JCAD: variants seen among roughly 807,000 people sequenced by gnomAD.
JCAD encodes junctional cadherin 5 associated, also known as junctional cadherin 5-associated protein.
Under a neutral mutation model 98.0 loss-of-function variants are expected in JCAD, and 40 were observed. The observed-to-expected ratio is 0.41, with a 90% CI of 0.32 to 0.53. The LOEUF (loss-of-function observed/expected upper bound fraction) is 0.53, where lower values mean the gene tolerates loss of function less well. Among genes scored for constraint, JCAD ranks in the 20% least tolerant of loss-of-function variants. The probability of loss-of-function intolerance (pLI) is 0.31; values close to 1 mark genes in which losing one functional copy is unlikely to be tolerated. For synonymous variants in JCAD, 691 were observed against 682.3 expected (o/e 1.01, Z -0.20); for missense variants, 1,705 against 1,738.1 (o/e 0.98, Z 0.34).
intron 2 of JCAD, among the ~76,000 whole-genome samples, chr10:30,068,323 G>A (rs1339060143): frequency 2.0e-5 from 3 of 149,278 alleles, no homozygotes; most frequent in Non-Finnish European, 4.4e-5. Flanking sequence ...CCCAGGAAGT[G>A]GAGGTTGCAG....
Position 30,036,426 on chromosome 10 carries a change from G to A in JCAD, c.282-6560C>T, listed in dbSNP as rs563908189. Reference sequence around the variant, plus strand: ...ATTGCACCACTGCACTCCAGCCTGGGCAGTACAGAGCAGGACTCCGTCTCA... The same window carrying A: ...ATTGCACCACTGCACTCCAGCCTGGACAGTACAGAGCAGGACTCCGTCTCA... On this transcript the variant is annotated intron_variant, in intron 2 of 3. Coordinates refer to ENST00000375377, the MANE Select transcript of JCAD (RefSeq NM_020848.4). Among the ~76,000 whole-genome samples, 35 of 151,468 alleles carry A rather than the reference G, an allele frequency of 2.3e-4. No individual in the cohort carries two copies. The East Asian group carries it at 6.8e-3, about 29-fold the overall frequency.
Position 30,016,457 on chromosome 10 carries a change from C to A in JCAD, c.*1426G>T, listed in dbSNP as rs1836537590. 1 of 151,778 alleles carries A rather than the reference C, an allele frequency of 6.6e-6. No homozygotes were observed. Among genetic ancestry groups the A allele is most frequent in the Non-Finnish European group, 1.5e-5 (1 of 67,968 alleles). The allele number at this position is 151,778 out of a possible 1,614,324, so 9.4% of individuals were successfully genotyped here. A position where few individuals can be genotyped will look rare whatever the true frequency, so the allele number is the denominator to read the frequency against. The stretch of plus-strand genomic sequence containing the variant: ...TAGGGAATGTTAGTTGTCAGGAATA[C>A]CTTACTTAGAAAGAAGGAAAAAAAT... On this transcript the variant is annotated 3_prime_UTR_variant, in exon 4 of 4. Coordinates refer to ENST00000375377, the MANE Select transcript of JCAD (RefSeq NM_020848.4).
chr10:30,092,067 A>C (rs1187876962), intron 1 of JCAD, among the ~76,000 whole-genome samples: 1 of 21,448 alleles, frequency 4.7e-5, no homozygotes, highest in African/African-American at 1.7e-4. Flanking sequence ...AAAAAAAAAT[A>C]TATATATATA....
At chr10:30,034,083 T>C (rs1837059168) in intron 2 of JCAD, among the ~76,000 whole-genome samples, 1 of 150,362 alleles carries the variant, frequency 6.7e-6, no homozygotes, top group Non-Finnish European at 1.5e-5. Context: ...ATCGGCCGGG[T>C]GTGGTGGCGG....
chr10:30,059,548 G>T lies in JCAD; in HGVS notation c.-126C>A, dbSNP rs1384450643. 2.0e-5 allele frequency: 3 copies of T among 147,194 alleles called. No homozygotes were observed. The highest frequency in any genetic ancestry group is 3.7e-4 in the South Asian group (2 of 5,472). 9.1% of individuals were successfully genotyped at this position (147,194 alleles called of 1,614,324 possible). ...GCTCCGGCCGGCCGGGGACCAGCGC[G>T]ACCCGCCCCGCCTGCAGCCGCCGAG... On this transcript the variant is annotated 5_prime_UTR_variant, in exon 1 of 4. The change creates a premature stop within an existing upstream ORF in the 5' untranslated region. Transcript: ENST00000375377. This position sits in a 1 kb window ranked among gnomAD's most constrained non-coding sequence, Gnocchi z 5.0.
chr10:30,095,112 C>T (rs886098877), intron 1 of JCAD, among the ~76,000 whole-genome samples: 10 of 152,114 alleles, frequency 6.6e-5, no homozygotes, highest in South Asian at 4.2e-4. Context: ...GGCCCTTGGA[C>T]GAACTTTATG....
intron 1 of JCAD, among the ~76,000 whole-genome samples, chr10:30,078,697 A>ACACAAAAAGT (rs1279993256): frequency 6.6e-6 from 1 of 152,180 alleles, no homozygotes; most frequent in Non-Finnish European, 1.5e-5. Context: ...TTACACTACT[A>ACACAAAAAGT]CACAAAAAGT....
intron 1 of JCAD, among the ~76,000 whole-genome samples, chr10:30,096,876 C>T (rs1314320459): frequency 1.3e-5 from 2 of 152,184 alleles, no homozygotes; most frequent in African/African-American, 4.8e-5. Context: ...GTCCATTTCT[C>T]TGCTGGAAAT....
rs1206325804 is a variant in JCAD at position 30,112,857 on chromosome 10, G to A, written n.128+2510C>T. On this transcript the variant is annotated intron_variant and non_coding_transcript_variant, in intron 1 of 2. Transcript: ENST00000465712. ...ACTGAACTCCAGCCTGGGCAAAAGA[G>A]CGAGACTCCATCTCAAAAAAAAAAA... Among the ~76,000 whole-genome samples, 4 of 144,294 alleles carry A rather than the reference G, an allele frequency of 2.8e-5. No individual in the cohort carries two copies. The South Asian group carries it at 8.9e-4, about 32-fold the overall frequency. The allele number at this position is 144,294 out of a possible 152,430, so 94.7% of individuals were successfully genotyped here.
intron 1 of JCAD, among the ~76,000 whole-genome samples, chr10:30,072,664 T>A (rs1199449584): frequency 6.6e-6 from 1 of 151,976 alleles, no homozygotes; most frequent in Non-Finnish European, 1.5e-5. Context: ...ATTTCTTTTT[T>A]TTTTTTGAGA....
At chr10:30,101,268 G>T (rs147410008) in intron 1 of JCAD, among the ~76,000 whole-genome samples, 7 of 152,178 alleles carry the variant, frequency 4.6e-5, no homozygotes, top group African/African-American at 1.7e-4. Flanking sequence ...ATATAGCTGG[G>T]CGTGGTGGCC....
Position 30,029,143 on chromosome 10 carries a change from C to T in JCAD, c.1005G>A (p.Leu335=), listed in dbSNP as rs1226556567. The change falls in exon 3 of 4, where the codon TTG becomes TTA. Residue 335 remains leucine (L), a synonymous_variant. Transcript: ENST00000375377. ...GCGGAGGCACGTACACTGGAGGTTC[C>T]AATCCAGGGTCTGACAGGCAGAGCT... The part of the protein sequence containing the change: ...RHELCLSDPG[L]EPPVYVPPPS... The T allele has an allele frequency of 6.2e-7, 1 of 1,614,070 alleles. No homozygotes were observed. Among genetic ancestry groups the T allele is most frequent in the African/African-American group, 1.3e-5 (1 of 74,936 alleles).
intron 1 of JCAD, among the ~76,000 whole-genome samples, chr10:30,082,668 A>G (rs929969021): frequency 2.0e-4 from 30 of 152,114 alleles, no homozygotes; most frequent in African/African-American, 6.7e-4. Context: ...CCTGACCAAC[A>G]TGGAGAAACC....
At position 30,017,818 on chromosome 10, in the gene JCAD, C is replaced by T; in HGVS notation, c.*65G>A. On this transcript the variant is annotated 3_prime_UTR_variant, in exon 4 of 4. Coordinates refer to ENST00000375377, the MANE Select transcript of JCAD (RefSeq NM_020848.4). ...TACATGGGGAAGTGGGGCTGATAGA[C>T]TAAATCTACCAGCTACTTGAGAATA... 1 of 1,449,382 alleles carries T rather than the reference C, an allele frequency of 6.9e-7. No homozygotes were observed. The allele number at this position is 1,449,382 out of a possible 1,614,324, so 89.8% of individuals were successfully genotyped here.
At chr10:30,107,192 C>T (rs1376123511) in intron 1 of JCAD, among the ~76,000 whole-genome samples, 4 of 152,134 alleles carry the variant, frequency 2.6e-5, no homozygotes, top group Non-Finnish European at 4.4e-5. Context: ...GGGACCTACT[C>T]GGCTGCATTT....
In JCAD at chr10:30,028,778, G is replaced by A; in HGVS notation, c.1370C>T (p.Pro457Leu). The change falls in exon 3 of 4, where the codon CCT becomes CTT. Residue 457 changes from proline (P) to leucine (L), a missense_variant. Around this residue, in one of 3 missense-constraint regions of JCAD, gnomAD observed 1,278 missense variants for 1,243.1 expected, o/e 1.03. Transcript: ENST00000375377. ...KLDDKSYNSSPVTAQEPAHGG... is the reference protein window; with the variant it reads ...KLDDKSYNSSLVTAQEPAHGG... ...ATGAGCCGGCTCTTGAGCAGTGACA[G>A]GACTGGAGTTATATGATTTATCGTC... The A allele has an allele frequency of 6.2e-7, 1 of 1,614,248 alleles. No individual in the cohort carries two copies. Among genetic ancestry groups the A allele is most frequent in the Non-Finnish European group, 8.5e-7 (1 of 1,180,052 alleles).
chr10:30,109,305 T>G (rs1182740113), intron 1 of JCAD, among the ~76,000 whole-genome samples: 1 of 152,196 alleles, frequency 6.6e-6, no homozygotes, highest in Non-Finnish European at 1.5e-5. Context: ...GCTTGGTTCA[T>G]TAAGGACCTT....
intron 1 of JCAD, among the ~76,000 whole-genome samples, chr10:30,075,381 C>T (rs1837964799): frequency 6.6e-6 from 1 of 152,178 alleles, no homozygotes; most frequent in Non-Finnish European, 1.5e-5. Context: ...ACAACATGCT[C>T]TTCTCATTAA....
intron 1 of JCAD, among the ~76,000 whole-genome samples, chr10:30,056,336 T>C (rs972325977): frequency 2.0e-5 from 3 of 152,234 alleles, no homozygotes; most frequent in Non-Finnish European, 4.4e-5. Flanking sequence ...GATCTTTACA[T>C]TTCTATTTAT....
Sources: gnomAD v4.1 joint callset for allele counts (sites outside exome capture counted in the v4.1 genomes callset) on GRCh38, gnomAD v4.1.1 for gene constraint, gnomAD v4.1.1 regional missense constraint, Gnocchi (gnomAD v3.1) non-coding constraint, MANE v1.5 for transcripts, NCBI Gene and HGNC (gene_info 2026-07-23, HGNC 2026-07-21) for gene names.